ZNF577: variants seen among roughly 807,000 people sequenced by gnomAD.
ZNF577 encodes the protein zinc finger protein 577.
Under a neutral mutation model 13.9 loss-of-function variants are expected in ZNF577, and 14 were observed. The observed-to-expected ratio is 1.00, with a 90% CI of 0.66 to 1.57. ZNF577 has a LOEUF of 1.57. Ranked by LOEUF, ZNF577 falls within the 40% of genes most tolerant of loss-of-function variation. The pLI is 0.00. For synonymous variants in ZNF577, 203 were observed against 202.9 expected, an observed-to-expected ratio of 1.00 and a Z score of 0.00; for missense variants, 555 against 579.2, an observed-to-expected ratio of 0.96 and a Z score of 0.43.
chr19:51,886,980 CAT>C lies in ZNF577; in HGVS notation c.-380_-379del, dbSNP rs1029524610. 6 of 151,870 alleles carry C rather than the reference CAT, an allele frequency of 4.0e-5. No homozygotes were observed. The highest frequency in any genetic ancestry group is 1.9e-4 in the East Asian group (1 of 5,192). The allele number at this position is 151,870 out of a possible 1,614,324, so 9.4% of individuals were successfully genotyped here. On this transcript the variant is annotated 5_prime_UTR_variant, in exon 1 of 6. In the 5' UTR this introduces an upstream ATG that the reference lacks. Transcript: ENST00000638348. ...GAGTACAATGAAGTGACAGAATAAA[CAT>C]ATATATTTTTAACTTCTGTTCTTGT...
chr19:51,808,013 G>A (rs2084071828), intron 10 of ZNF577, among the ~76,000 whole-genome samples: 1 of 152,230 alleles, frequency 6.6e-6, no homozygotes, highest in Non-Finnish European at 1.5e-5. Flanking sequence ...GAGAGTAGGG[G>A]GTAGGAAGAA....
In ZNF577 at chr19:51,880,496, A is replaced by AC. The variant is rs2084844983; in HGVS notation, c.-19-96dup. The AC allele has an allele frequency of 2.9e-6, 3 of 1,032,644 alleles. No homozygotes were observed. In the South Asian group the frequency reaches 4.0e-5, roughly 14 times the overall value. 64.0% of individuals were successfully genotyped at this position (1,032,644 alleles called of 1,614,324 possible). A position where few individuals can be genotyped will look rare whatever the true frequency, so the allele number is the denominator to read the frequency against. ...GTTCCGACATTAAGAACTTTCACAA[A>AC]CCCCCTGATCCATATATCTTGTTTC... On this transcript the variant is annotated intron_variant, in intron 2 of 5. Transcript: ENST00000638348.
rs2084979894 is a variant in ZNF577, at chr19:51,887,928, G to T, written c.-1326C>A. 1 of 152,218 alleles carries T rather than the reference G, an allele frequency of 6.6e-6. No homozygotes were observed. The allele number at this position is 152,218 out of a possible 1,614,324, so 9.4% of individuals were successfully genotyped here. On this transcript the variant is annotated 5_prime_UTR_variant, in exon 1 of 6. Coordinates refer to ENST00000638348, the MANE Select transcript of ZNF577 (RefSeq NM_001370449.1). ...CGCCGCCCCGCGAACCCCACACACT[G>T]CAGACGCGACACTCGCAAGTTTCGG...
chr19:51,861,262 G>A (rs1481697488), intron 5 of ZNF577: 1 of 193,972 alleles, frequency 5.2e-6, no homozygotes, highest in Non-Finnish European at 9.4e-6. Flanking sequence ...AGGATTACAG[G>A]TGTGCACACC....
At chr19:51,818,299 A>G (rs2084158919) in intron 9 of ZNF577, among the ~76,000 whole-genome samples, 1 of 152,220 alleles carries the variant, frequency 6.6e-6, no homozygotes. Flanking sequence ...AAGAAAATAT[A>G]TTATTGGTGT....
At chr19:51,829,918 C>T (rs1355743792) in intron 9 of ZNF577, among the ~76,000 whole-genome samples, 2 of 152,130 alleles carry the variant, frequency 1.3e-5, no homozygotes, top group South Asian at 2.1e-4. Context: ...AAACAACTGC[C>T]CACAAGGCCA....
Position 51,824,196 on chromosome 19 carries a change from T to C in ZNF577, c.*600-12522A>G. The C allele has an allele frequency of 1.2e-6, 2 of 1,614,178 alleles. No homozygotes were observed. The highest frequency in any genetic ancestry group is 1.3e-5 in the African/African-American group (1 of 75,056). On this transcript the variant is annotated intron_variant and NMD_transcript_variant, in intron 9 of 10. Coordinates refer to the ZNF577 transcript ENST00000638827. This position sits in a 1 kb window ranked among gnomAD's most constrained non-coding sequence, Gnocchi z 4.7. ...GGCCAAGAGGGTGATGACGGGACTC[T>C]GGATTTTCACCATAGTCCTTACCTT...
chr19:51,887,048 G>T lies in ZNF577; in HGVS notation c.-446C>A, dbSNP rs771393991. ...AGGAACAAAAAAGGAAAGGGGGAGG[G>T]GTCTTATGCAAAAAAAAAGTCACGA... On this transcript the variant is annotated 5_prime_UTR_variant, in exon 1 of 6. Transcript: ENST00000638348. 1 of 150,422 alleles carries T rather than the reference G, an allele frequency of 6.6e-6. No homozygotes were observed. Among genetic ancestry groups the T allele is most frequent in the Non-Finnish European group, 1.5e-5 (1 of 67,884 alleles). The allele number at this position is 150,422 out of a possible 1,614,324, so 9.3% of individuals were successfully genotyped here.
chr19:51,853,925 G>A (rs10424176), intron 5 of ZNF577, among the ~76,000 whole-genome samples: 57,331 of 151,890 alleles, frequency 0.38, 11,944 homozygotes, highest in African/African-American at 0.55. Context: ...TAGTTCAGTC[G>A]AAAGAAGCAA....
At position 51,873,462 on chromosome 19, in the gene ZNF577, A is replaced by G; in HGVS notation, c.528T>C (p.His176=). The part of the protein sequence containing the change: ...AFSRKAQLIQ[H]QRTERGEKPH... ...GTTTCTCTCCTCTTTCAGTTCTCTG[A>G]TGTTGAATAAGCTGTGCTTTCCTGG... Residue 176 remains histidine, a synonymous_variant, in exon 6 of 6, where the codon CAT becomes CAC. Transcript: ENST00000638348. 2 of 1,614,108 alleles carry G rather than the reference A, an allele frequency of 1.2e-6. No homozygotes were observed. The highest frequency in any genetic ancestry group is 1.7e-6 in the Non-Finnish European group (2 of 1,180,016).
At chr19:51,861,528 A>G (rs1028899307) in intron 5 of ZNF577, 1 of 152,338 alleles carries the variant, frequency 6.6e-6, no homozygotes, top group African/African-American at 2.4e-5. Flanking sequence ...CTCTCCCACA[A>G]GAGTTCCAAA....
intron 10 of ZNF577, among the ~76,000 whole-genome samples, chr19:51,807,011 C>T (rs1051913719): frequency 6.6e-6 from 1 of 152,190 alleles, no homozygotes; most frequent in Non-Finnish European, 1.5e-5. Context: ...AAGTCTGTAA[C>T]CTGTCTTTAT....
intron 4 of ZNF577, 25 bp downstream of exon 4, chr19:51,878,359 AAAGGT>A: frequency 6.2e-7 from 1 of 1,609,590 alleles, no homozygotes; most frequent in Non-Finnish European, 8.5e-7. Context: ...ATAAGAAAGA[AAAGGT>A]AAGTGACGGC....
chr19:51,881,695 G>A (rs1357144225), intron 1 of ZNF577, among the ~76,000 whole-genome samples: 1 of 152,026 alleles, frequency 6.6e-6, no homozygotes, highest in African/African-American at 2.4e-5. Flanking sequence ...TACACTGCGG[G>A]GTGGCCACAT....
At chr19:51,886,494 T>C (rs1192533664) in intron 1 of ZNF577, 1 of 152,118 alleles carries the variant, frequency 6.6e-6, no homozygotes, top group Non-Finnish European at 1.5e-5. Flanking sequence ...AGTCTCATAT[T>C]AAAAGAACAA....
downstream of ZNF577, among the ~76,000 whole-genome samples, chr19:51,864,927 A>G (rs1459920602): frequency 6.6e-6 from 1 of 152,200 alleles, no homozygotes; most frequent in African/African-American, 2.4e-5. Context: ...CATCACGCTC[A>G]AACAATAAGT....
At chr19:51,804,678 T>C (rs375979538), downstream of ZNF577, 7 of 152,290 alleles carry the variant, frequency 4.6e-5, no homozygotes, top group East Asian at 9.7e-4. Context: ...GCTCAAATTA[T>C]AGTTATATAT....
intron 10 of ZNF577, among the ~76,000 whole-genome samples, chr19:51,810,813 T>C (rs1313184970): frequency 6.6e-6 from 1 of 152,180 alleles, no homozygotes; most frequent in Non-Finnish European, 1.5e-5. Context: ...TTCAACAACT[T>C]ACTCTAGTGG....
At chr19:51,854,816 C>T (rs972376552) in intron 5 of ZNF577, among the ~76,000 whole-genome samples, 2 of 152,028 alleles carry the variant, frequency 1.3e-5, no homozygotes, top group African/African-American at 4.8e-5. Flanking sequence ...AGAGTCTGTT[C>T]ACTTTATGTT....
Sources: allele counts gnomAD v4.1 joint callset (sites outside exome capture counted in the v4.1 genomes callset), GRCh38; gene constraint gnomAD v4.1.1; non-coding constraint Gnocchi (gnomAD v3.1); transcripts MANE v1.5; gene names NCBI Gene and HGNC (gene_info 2026-07-23, HGNC 2026-07-21).